The following ALDH1A2 variants were observed in gnomAD, a reference collection of about 807,000 sequenced individuals.
ALDH1A2 encodes aldehyde dehydrogenase 1 family member A2, also known as retinal dehydrogenase 2.
A neutral mutation model predicts 60.3 loss-of-function variants in ALDH1A2; 27 were observed. The ratio of observed to expected loss-of-function variants is 0.45; its 90% CI spans 0.33 to 0.62. The LOEUF (loss-of-function observed/expected upper bound fraction) is 0.62. Ranked by LOEUF, ALDH1A2 falls within the 20% of genes least tolerant of loss-of-function variation. ALDH1A2 has a pLI of 0.02. For synonymous variants in ALDH1A2, 289 were observed against 232.4 expected (o/e 1.24, Z -2.21); for missense variants, 581 against 643.8 (o/e 0.90, Z 1.06).
intron 4 of ALDH1A2, among the ~76,000 whole-genome samples, chr15:57,995,539 A>G (rs1388261113): frequency 3.3e-5 from 5 of 152,146 alleles, no homozygotes; most frequent in Admixed American, 3.3e-4. Context: ...TTTCTGAAGT[A>G]TTAAAATAAA....
At chr15:57,994,722 GA>G (rs1352461940) in intron 5 of ALDH1A2, among the ~76,000 whole-genome samples, 1 of 152,130 alleles carries the variant, frequency 6.6e-6, no homozygotes, top group Non-Finnish European at 1.5e-5. Flanking sequence ...AATATGCCTG[GA>G]AGGATGGTGA....
intron 12 of ALDH1A2, among the ~76,000 whole-genome samples, chr15:57,955,986 C>T (rs1273061564): frequency 6.6e-6 from 1 of 152,186 alleles, no homozygotes; most frequent in East Asian, 1.9e-4. Flanking sequence ...TTCCCAACAG[C>T]CTCAGGAGGA....
intron 1 of ALDH1A2, among the ~76,000 whole-genome samples, chr15:58,061,595 C>CAAAAAAG (rs1897034480): frequency 2.3e-5 from 1 of 43,330 alleles, no homozygotes. Flanking sequence ...CTCCTTCCCT[C>CAAAAAAG]AAAAAAAAAA....
chr15:58,001,034 T>TA (rs10641902), intron 4 of ALDH1A2, among the ~76,000 whole-genome samples: 12,171 of 126,178 alleles, frequency 0.096, 687 homozygotes, highest in African/African-American at 0.15. Flanking sequence ...TCAAAATTGT[T>TA]AAAAAAAAAA....
intron 3 of ALDH1A2, among the ~76,000 whole-genome samples, chr15:58,011,277 TAAAC>T (rs1348104258): frequency 1.3e-5 from 2 of 152,168 alleles, no homozygotes; most frequent in Non-Finnish European, 2.9e-5. Flanking sequence ...TACCACCAAA[TAAAC>T]AAGATCTCCT....
intron 1 of ALDH1A2, among the ~76,000 whole-genome samples, chr15:58,059,526 T>C (rs1595697845): frequency 6.6e-6 from 1 of 152,238 alleles, no homozygotes; most frequent in Non-Finnish European, 1.5e-5. Flanking sequence ...AATGTCCTTG[T>C]ATGCTGCATA....
intron 1 of ALDH1A2, among the ~76,000 whole-genome samples, chr15:58,054,488 A>G (rs915262925): frequency 1.3e-5 from 2 of 152,106 alleles, no homozygotes; most frequent in African/African-American, 2.4e-5. Flanking sequence ...CTGCCTCCCC[A>G]CTGAGATTAC....
intron 7 of ALDH1A2, among the ~76,000 whole-genome samples, chr15:57,967,834 G>C (rs1159738065): frequency 6.6e-6 from 1 of 152,160 alleles, no homozygotes; most frequent in South Asian, 2.1e-4. Context: ...CCACGCAAAG[G>C]CCTCAGGAAG....
chr15:58,062,748 C>T (rs572963160), intron 1 of ALDH1A2, among the ~76,000 whole-genome samples: 2 of 152,148 alleles, frequency 1.3e-5, no homozygotes, highest in Non-Finnish European at 2.9e-5. Flanking sequence ...TGGGATCCAG[C>T]TTGCTGTATT....
intron 7 of ALDH1A2, chr15:57,979,978 G>C (rs1490761870): frequency 8.5e-6 from 3 of 351,248 alleles, no homozygotes; most frequent in Non-Finnish European, 1.8e-5. Context: ...CGTCCCAGGA[G>C]CTGTCATGCT....
chr15:58,015,000 A>C (rs1195875416), intron 1 of ALDH1A2, among the ~76,000 whole-genome samples: 2 of 152,230 alleles, frequency 1.3e-5, no homozygotes, highest in Non-Finnish European at 2.9e-5. Context: ...GAAATTATTC[A>C]AGTCAATTTC....
At chr15:57,992,350 G>A (rs1319965285) in intron 7 of ALDH1A2, among the ~76,000 whole-genome samples, 1 of 152,192 alleles carries the variant, frequency 6.6e-6, no homozygotes, top group Non-Finnish European at 1.5e-5. Flanking sequence ...TCCAAACAAT[G>A]AGAAGGGAAA....
intron 12 of ALDH1A2, among the ~76,000 whole-genome samples, chr15:57,960,294 T>C (rs34651702): frequency 3.0e-3 from 458 of 152,310 alleles, no homozygotes; most frequent in East Asian, 0.022. Context: ...CTCAAAAAAA[T>C]AGGCATTCAG....
chr15:58,059,904 G>A (rs1208144481), intron 1 of ALDH1A2, among the ~76,000 whole-genome samples: 2 of 151,964 alleles, frequency 1.3e-5, no homozygotes, highest in Admixed American at 6.6e-5. Context: ...AAAACAGACC[G>A]GTTTTATAAA....
chr15:58,047,867 T>C (rs1338149650), intron 1 of ALDH1A2, among the ~76,000 whole-genome samples: 4 of 152,010 alleles, frequency 2.6e-5, no homozygotes, highest in African/African-American at 9.7e-5. Flanking sequence ...AAAAAACACC[T>C]AGATGATTGA....
At chr15:58,002,559 G>A (rs4646602) in intron 4 of ALDH1A2, among the ~76,000 whole-genome samples, 69,354 of 151,616 alleles carry the variant, frequency 0.46, 16,415 homozygotes, top group Non-Finnish European at 0.53. Context: ...TAAGCAATCT[G>A]TAAACAGTGA....
intron 7 of ALDH1A2, among the ~76,000 whole-genome samples, chr15:57,966,677 T>A (rs567982473): frequency 1.4e-4 from 21 of 152,270 alleles, no homozygotes; most frequent in Middle Eastern, 3.4e-3. Flanking sequence ...AGGGTTTGTA[T>A]AAAGGTCCTA....
intron 7 of ALDH1A2, among the ~76,000 whole-genome samples, chr15:57,975,134 C>T (rs1164667316): frequency 2.0e-5 from 3 of 152,210 alleles, no homozygotes; most frequent in South Asian, 2.1e-4. Context: ...GATGGTATAA[C>T]CGATTTGGAA....
At chr15:58,000,301 C>T (rs572638789) in intron 4 of ALDH1A2, among the ~76,000 whole-genome samples, 8 of 152,048 alleles carry the variant, frequency 5.3e-5, no homozygotes, top group East Asian at 1.9e-4. Context: ...CTGACAAACA[C>T]AAGAGCTAAG....
Sources: gnomAD v4.1 joint callset for allele counts (sites outside exome capture counted in the v4.1 genomes callset) on GRCh38, gnomAD v4.1.1 for gene constraint, MANE v1.5 for transcripts, NCBI Gene and HGNC (gene_info 2026-07-23, HGNC 2026-07-21) for gene names.